The following CFAP299 variants were observed in gnomAD, a reference collection of about 807,000 sequenced individuals.
CFAP299 encodes the protein cilia- and flagella-associated protein 299.
CFAP299 carries 21 observed loss-of-function variants against 27.0 expected under a neutral mutation model. The observed-to-expected ratio is 0.78, with a 90% CI of 0.55 to 1.12. CFAP299 has a LOEUF of 1.12. Ranked by LOEUF, CFAP299 falls within the 50% of genes most tolerant of loss-of-function variation. The probability of loss-of-function intolerance (pLI) is 0.00; values close to 1 mark genes in which losing one functional copy is unlikely to be tolerated. For missense variants in CFAP299, 310 were observed against 276.6 expected (o/e 1.12, Z -0.86); for synonymous variants, 104 against 98.1 (o/e 1.06, Z -0.36).
chr4:80,879,215 T>C (rs1733568278), intron 4 of CFAP299, among the ~76,000 whole-genome samples: 1 of 152,144 alleles, frequency 6.6e-6, no homozygotes, highest in African/African-American at 2.4e-5. Context: ...TGTAACTCAG[T>C]ATATTTCAGG....
At chr4:80,527,152 T>C (rs930462678) in intron 2 of CFAP299, among the ~76,000 whole-genome samples, 2 of 152,180 alleles carry the variant, frequency 1.3e-5, no homozygotes, top group African/African-American at 4.8e-5. Context: ...TTACTCTTTA[T>C]AGAAACTCAT....
In CFAP299 at chr4:80,638,201, G is replaced by A. The variant is rs141601655; in HGVS notation, c.333+55018G>A. 3.8e-3 allele frequency among the ~76,000 whole-genome samples: 574 copies of A among 152,234 alleles called. 1 individual carries two copies. The highest frequency in any genetic ancestry group is 0.014 in the Middle Eastern group (4 of 294). On this transcript the variant is annotated intron_variant, in intron 3 of 5. Coordinates refer to ENST00000358105, the MANE Select transcript of CFAP299 (RefSeq NM_152770.3). ...AAACAAGTAACTTCAACTTCCTGCT[G>A]CAGGCCCTTTTCACAGTGCCATCCT...
intron 3 of CFAP299, among the ~76,000 whole-genome samples, chr4:80,769,765 G>C (rs1018926034): frequency 2.0e-5 from 3 of 152,254 alleles, no homozygotes; most frequent in African/African-American, 4.8e-5. Context: ...CCCCTCCTCA[G>C]GGGCCTCAAC....
At chr4:80,447,874 G>C (rs910984784) in intron 2 of CFAP299, among the ~76,000 whole-genome samples, 7 of 152,124 alleles carry the variant, frequency 4.6e-5, no homozygotes, top group Non-Finnish European at 2.9e-5. Context: ...TCTTTTAATA[G>C]TGCAAATTGT....
chr4:80,411,989 A>G (rs547124470), intron 2 of CFAP299, among the ~76,000 whole-genome samples: 1 of 152,206 alleles, frequency 6.6e-6, no homozygotes, highest in South Asian at 2.1e-4. Flanking sequence ...TGTTTCTTCA[A>G]ATCCTCAAGT....
chr4:80,802,598 T>C (rs985576698), intron 3 of CFAP299, among the ~76,000 whole-genome samples: 4 of 152,050 alleles, frequency 2.6e-5, no homozygotes, highest in Non-Finnish European at 5.9e-5. Context: ...AAACCTATAG[T>C]ATATAGAAGA....
intron 2 of CFAP299, among the ~76,000 whole-genome samples, chr4:80,449,547 A>G (rs1442472655): frequency 6.6e-6 from 1 of 151,774 alleles, no homozygotes; most frequent in Non-Finnish European, 1.5e-5. Flanking sequence ...ACACTTAACC[A>G]TTTTGTCAAA....
chr4:80,884,975 C>G (rs570329756), intron 4 of CFAP299, among the ~76,000 whole-genome samples: 1 of 152,192 alleles, frequency 6.6e-6, no homozygotes, highest in African/African-American at 2.4e-5. Flanking sequence ...GAGAGACAGT[C>G]TTAATTGCCA....
chr4:80,828,731 T>G (rs1250992509), intron 3 of CFAP299, among the ~76,000 whole-genome samples: 1 of 152,022 alleles, frequency 6.6e-6, no homozygotes. Flanking sequence ...CTCCAAAACC[T>G]GAAAAACCAT....
chr4:80,333,744 A>G (rs985477250), upstream of CFAP299, among the ~76,000 whole-genome samples: 1 of 152,184 alleles, frequency 6.6e-6, no homozygotes, highest in African/African-American at 2.4e-5. Context: ...AAAGAATGGA[A>G]TTTCTGGGAT....
intron 2 of CFAP299, among the ~76,000 whole-genome samples, chr4:80,504,987 T>C (rs1286503260): frequency 6.1e-5 from 9 of 148,736 alleles, no homozygotes; most frequent in Non-Finnish European, 8.9e-5. Context: ...ATATCATTTA[T>C]ATATTGATAT....
intron 3 of CFAP299, chr4:80,648,988 G>T (rs1320996886): frequency 1.3e-5 from 2 of 152,268 alleles, no homozygotes; most frequent in East Asian, 3.9e-4. Flanking sequence ...TAGATGGATG[G>T]TGAGTTTACT....
intron 3 of CFAP299, among the ~76,000 whole-genome samples, chr4:80,711,818 A>G (rs994780965): frequency 6.6e-6 from 1 of 152,224 alleles, no homozygotes; most frequent in Non-Finnish European, 1.5e-5. Context: ...CAAATGAGGC[A>G]ACTTCAAGAT....
intron 2 of CFAP299, among the ~76,000 whole-genome samples, chr4:80,547,578 G>C (rs1212316521): frequency 6.6e-6 from 1 of 152,008 alleles, no homozygotes; most frequent in Non-Finnish European, 1.5e-5. Flanking sequence ...CATCAACAGA[G>C]TAAAAAGACA....
intron 3 of CFAP299, among the ~76,000 whole-genome samples, chr4:80,696,501 A>G (rs774834895): frequency 6.6e-6 from 1 of 152,182 alleles, no homozygotes; most frequent in Non-Finnish European, 1.5e-5. Flanking sequence ...AGAAAAACAA[A>G]TAAAAATAAT....
chr4:80,568,509 A>T (rs753438888), intron 2 of CFAP299, among the ~76,000 whole-genome samples: 3 of 152,142 alleles, frequency 2.0e-5, no homozygotes, highest in Non-Finnish European at 4.4e-5. Context: ...GTTGAAAGAG[A>T]GATGACAGTC....
At chr4:80,354,820 G>T (rs1723184344) in intron 1 of CFAP299, among the ~76,000 whole-genome samples, 1 of 152,082 alleles carries the variant, frequency 6.6e-6, no homozygotes, top group Non-Finnish European at 1.5e-5. Context: ...ATGGTCTCCA[G>T]CTCCATCCAT....
intron 2 of CFAP299, among the ~76,000 whole-genome samples, chr4:80,447,143 T>TG (rs1560571686): frequency 1.5e-5 from 2 of 136,694 alleles, no homozygotes; most frequent in African/African-American, 2.8e-5. Flanking sequence ...TTTTTTTTTT[T>TG]TTTTTTTTTT....
intron 3 of CFAP299, among the ~76,000 whole-genome samples, chr4:80,739,913 T>G (rs1341700512): frequency 2.0e-5 from 3 of 152,198 alleles, no homozygotes; most frequent in Admixed American, 2.0e-4. Flanking sequence ...TTCAAGCTAT[T>G]TTTCTCTTCT....
Sources: gnomAD v4.1 joint callset for allele counts (sites outside exome capture counted in the v4.1 genomes callset) on GRCh38, gnomAD v4.1.1 for gene constraint, MANE v1.5 for transcripts, NCBI Gene and HGNC (gene_info 2026-07-23, HGNC 2026-07-21) for gene names.